CRADD: variants seen among roughly 807,000 people sequenced by gnomAD.
CRADD encodes CARD and death domain containing adaptor protein, also known as death domain-containing protein CRADD.
In CRADD, 9 loss-of-function variants were observed where a neutral mutation model predicts 15.5. That is an observed-to-expected ratio of 0.58 (90% CI 0.35 to 1.01). The LOEUF (loss-of-function observed/expected upper bound fraction) is 1.01. CRADD is among the 50% of genes least tolerant of loss of function. CRADD has a pLI of 0.02. For synonymous variants in CRADD, 118 were observed against 107.6 expected (o/e 1.10, Z -0.60); for missense variants, 227 against 250.3 (o/e 0.91, Z 0.63).
chr12:93,702,938 C>T (rs993430087), intron 2 of CRADD, among the ~76,000 whole-genome samples: 6 of 152,194 alleles, frequency 3.9e-5, no homozygotes, highest in African/African-American at 7.2e-5. Context: ...CGATTCATTT[C>T]ACAAATGGCT....
intron 2 of CRADD, among the ~76,000 whole-genome samples, chr12:93,868,941 C>T (rs954947809): frequency 3.3e-5 from 5 of 152,174 alleles, no homozygotes; most frequent in African/African-American, 9.7e-5. Context: ...TGTACAAAAT[C>T]TTCTCAAAAC....
At chr12:93,791,895 ATTTTT>A (rs34088777) in intron 2 of CRADD, among the ~76,000 whole-genome samples, 1 of 137,196 alleles carries the variant, frequency 7.3e-6, no homozygotes, top group Non-Finnish European at 1.6e-5. Flanking sequence ...GTCCTAATGG[ATTTTT>A]TTTTTTTTTT....
At chr12:93,717,485 A>G (rs1174244468) in intron 2 of CRADD, among the ~76,000 whole-genome samples, 1 of 152,144 alleles carries the variant, frequency 6.6e-6, no homozygotes, top group East Asian at 1.9e-4. Flanking sequence ...GTTATCTTCC[A>G]GGAATTTTAA....
chr12:93,680,436 A>G (rs1291489099), intron 2 of CRADD, among the ~76,000 whole-genome samples: 1 of 152,230 alleles, frequency 6.6e-6, no homozygotes, highest in Admixed American at 6.5e-5. Flanking sequence ...CCTGATCAGC[A>G]TGACATAGCC....
At chr12:93,872,271 C>T (rs1258725304) in intron 2 of CRADD, among the ~76,000 whole-genome samples, 1 of 151,886 alleles carries the variant, frequency 6.6e-6, no homozygotes. Flanking sequence ...TAGATTTTTC[C>T]TATAGAGTTG....
chr12:93,721,779 G>T (rs1459166532), intron 2 of CRADD, among the ~76,000 whole-genome samples: 1 of 152,148 alleles, frequency 6.6e-6, no homozygotes, highest in East Asian at 1.9e-4. Flanking sequence ...GGGCCCTGAA[G>T]CCAATCTCCC....
chr12:93,881,837 A>G (rs1250718502), intron 2 of CRADD, among the ~76,000 whole-genome samples: 7 of 152,208 alleles, frequency 4.6e-5, no homozygotes, highest in Admixed American at 4.6e-4. Context: ...AGTGATTGAA[A>G]TATATAGGCT....
intron 2 of CRADD, among the ~76,000 whole-genome samples, chr12:93,821,100 C>T (rs530550448): frequency 3.9e-5 from 6 of 152,334 alleles, no homozygotes; most frequent in South Asian, 2.1e-4. Flanking sequence ...TTAGTTGACA[C>T]TATTAAAACA....
chr12:93,892,154 G>A (rs1022311260), intron 2 of CRADD, among the ~76,000 whole-genome samples: 4 of 152,242 alleles, frequency 2.6e-5, no homozygotes, highest in East Asian at 1.9e-4. Context: ...CTTTGCTCAC[G>A]CTGCTTTACC....
At position 93,822,001 on chromosome 12, in the gene CRADD, C is replaced by T. The variant is rs189799330; in HGVS notation, c.299-27969C>T. Among the ~76,000 whole-genome samples the T allele has an allele frequency of 3.2e-4, 49 of 151,944 alleles. No homozygotes were observed. In the East Asian group the frequency reaches 7.5e-3, roughly 23 times the overall value. On this transcript the variant is annotated intron_variant, in intron 2 of 2. Transcript: ENST00000332896. Reference sequence around the variant, plus strand: ...GGTGTGGTGGTGGGCGCCTGCAATCCCAGCTATTTGGGAGGTTGAGGCACG... The same window carrying T: ...GGTGTGGTGGTGGGCGCCTGCAATCTCAGCTATTTGGGAGGTTGAGGCACG...
chr12:93,833,558 C>T (rs1314939258), intron 2 of CRADD, among the ~76,000 whole-genome samples: 2 of 152,016 alleles, frequency 1.3e-5, no homozygotes, highest in Non-Finnish European at 1.5e-5. Flanking sequence ...GTTGCCCAGG[C>T]TAGTCTTGAA....
chr12:93,870,843 C>A (rs752077424), intron 2 of CRADD, among the ~76,000 whole-genome samples: 15 of 152,180 alleles, frequency 9.9e-5, no homozygotes, highest in Non-Finnish European at 4.4e-5. Flanking sequence ...CACATATCTG[C>A]CTCAGGGGGC....
intron 2 of CRADD, among the ~76,000 whole-genome samples, chr12:93,893,093 A>T (rs924188299): frequency 2.0e-5 from 3 of 152,110 alleles, no homozygotes; most frequent in Non-Finnish European, 4.4e-5. Flanking sequence ...CCTTCCAGGG[A>T]GCTCAGGTTA....
intron 2 of CRADD, among the ~76,000 whole-genome samples, chr12:93,845,492 G>A (rs533947409): frequency 1.1e-4 from 16 of 152,116 alleles, no homozygotes; most frequent in African/African-American, 3.6e-4. Flanking sequence ...GGGAGGCTGG[G>A]TCACGAGGAT....
At chr12:93,677,541 G>T (rs1955187333) in intron 1 of CRADD, 69 bp downstream of exon 1, 1 of 152,262 alleles carries the variant, frequency 6.6e-6, no homozygotes, top group African/African-American at 2.4e-5. Flanking sequence ...GGCCCTGCGG[G>T]GGCTTCCCCG....
At chr12:93,728,362 A>T (rs2136905208) in intron 2 of CRADD, among the ~76,000 whole-genome samples, 1 of 152,390 alleles carries the variant, frequency 6.6e-6, no homozygotes, top group African/African-American at 2.4e-5. Flanking sequence ...AACTCTTCCA[A>T]ACTTAACTAA....
In CRADD at chr12:93,721,896, A is replaced by T. The variant is rs141082371; in HGVS notation, c.298+42824A>T. On this transcript the variant is annotated intron_variant, in intron 2 of 2. Coordinates refer to ENST00000332896, the MANE Select transcript of CRADD (RefSeq NM_003805.5). Reference sequence around the variant, plus strand: ...TCTGTTAGATCAATTAAAAAAATAAACATTTTTGTTTTACCTCCACTTACT... The same window carrying T: ...TCTGTTAGATCAATTAAAAAAATAATCATTTTTGTTTTACCTCCACTTACT... Among the ~76,000 whole-genome samples, 266 of 152,302 alleles carry T rather than the reference A, an allele frequency of 1.7e-3. 1 individual carries two copies. The highest frequency in any genetic ancestry group is 6.2e-3 in the African/African-American group (257 of 41,570).
chr12:93,893,066 C>T (rs538894743), intron 2 of CRADD, among the ~76,000 whole-genome samples: 2 of 152,096 alleles, frequency 1.3e-5, no homozygotes, highest in African/African-American at 2.4e-5. Flanking sequence ...CTCCAGGACT[C>T]GGCTCTTCCT....
intron 2 of CRADD, among the ~76,000 whole-genome samples, chr12:93,841,015 T>C (rs1007522937): frequency 1.3e-5 from 2 of 152,198 alleles, no homozygotes; most frequent in Non-Finnish European, 2.9e-5. Context: ...ATATTTTGAA[T>C]TTTTAAAGAA....
Sources: gnomAD v4.1 joint callset for allele counts (sites outside exome capture counted in the v4.1 genomes callset) on GRCh38, gnomAD v4.1.1 for gene constraint, MANE v1.5 for transcripts, NCBI Gene and HGNC (gene_info 2026-07-23, HGNC 2026-07-21) for gene names.